Variants in MOXD1 observed in about 807,000 individuals in gnomAD.
MOXD1 encodes monooxygenase DBH like 1.
In MOXD1, 62 loss-of-function variants were observed where a neutral mutation model predicts 66.6. The observed-to-expected ratio is 0.93, with a 90% CI of 0.76 to 1.15. The LOEUF (loss-of-function observed/expected upper bound fraction) is 1.15. Ranked by LOEUF, MOXD1 falls within the 50% of genes most tolerant of loss-of-function variation. The pLI is 0.00. For missense variants in MOXD1, 847 were observed against 754.6 expected, an observed-to-expected ratio of 1.12 and a Z score of -1.44; for synonymous variants, 303 against 281.9, an observed-to-expected ratio of 1.07 and a Z score of -0.75.
At chr6:132,362,472 C>T (rs1490262652) in intron 4 of MOXD1, among the ~76,000 whole-genome samples, 1 of 152,116 alleles carries the variant, frequency 6.6e-6, no homozygotes, top group Non-Finnish European at 1.5e-5. Flanking sequence ...GATTAGAACC[C>T]AGACTGTCAG....
intron 10 of MOXD1, among the ~76,000 whole-genome samples, chr6:132,312,456 T>G (rs1427466150): frequency 6.6e-6 from 1 of 152,190 alleles, no homozygotes; most frequent in African/African-American, 2.4e-5. Context: ...TAGTTTGGCC[T>G]TCACTATCAC....
At chr6:132,349,187 G>A (rs780899276) in intron 4 of MOXD1, among the ~76,000 whole-genome samples, 27 of 145,154 alleles carry the variant, frequency 1.9e-4, no homozygotes, top group Non-Finnish European at 3.7e-4. Flanking sequence ...ATGCCTTTGC[G>A]TCCTCATAGC....
At chr6:132,347,502 C>T (rs749521843) in intron 4 of MOXD1, among the ~76,000 whole-genome samples, 3 of 151,916 alleles carry the variant, frequency 2.0e-5, no homozygotes, top group Non-Finnish European at 2.9e-5. Context: ...CATAGTGAAA[C>T]CCCATCTCTA....
chr6:132,338,372 T>G (rs1295124226), intron 4 of MOXD1, among the ~76,000 whole-genome samples: 3 of 152,190 alleles, frequency 2.0e-5, no homozygotes, highest in Admixed American at 2.0e-4. Context: ...TTCTAATCAC[T>G]TGTATCTGCA....
At position 132,328,425 on chromosome 6, in the gene MOXD1, A is replaced by G. The variant is rs758185807; in HGVS notation, c.833T>C (p.Ile278Thr). 1 of 1,614,136 alleles carries G rather than the reference A, an allele frequency of 6.2e-7. No homozygotes were observed. The highest frequency in any genetic ancestry group is 1.7e-5 in the Admixed American group (1 of 60,016). Residue 278 changes from isoleucine (I) to threonine (T), a missense_variant, in exon 5 of 12, where the codon ATT (isoleucine) becomes ACT (threonine). By Grantham distance (89) the Ile-to-Thr change is moderately conservative. Coordinates refer to ENST00000367963, the MANE Select transcript of MOXD1 (RefSeq NM_015529.4). Reference sequence around the variant, plus strand: ...AATCATTAGCCCCACCTCTCCACCAATAGCCCAGGCAAAAATCACAGTTTC... The same window carrying G: ...AATCATTAGCCCCACCTCTCCACCAGTAGCCCAGGCAAAAATCACAGTTTC... ...TCETVIFAWA[I>T]GGEGFSYPPH...
At chr6:132,311,345 T>C (rs1476102313) in intron 10 of MOXD1, among the ~76,000 whole-genome samples, 2 of 152,066 alleles carry the variant, frequency 1.3e-5, no homozygotes, top group Admixed American at 6.5e-5. Context: ...AATCAAGTCA[T>C]GTTAAATATT....
Position 132,354,451 on chromosome 6 carries a change from A to G in MOXD1, c.663+18157T>C, listed in dbSNP as rs1582590220. On this transcript the variant is annotated intron_variant, in intron 4 of 11. Coordinates refer to ENST00000367963, the MANE Select transcript of MOXD1 (RefSeq NM_015529.4). The stretch of plus-strand genomic sequence containing the variant: ...CTGGGTGTAGCCACCCAGCAAGTCT[A>G]CCAGGCTCCAGGCTGGTACTGGGGT... Among the ~76,000 whole-genome samples the G allele has an allele frequency of 2.0e-5, 3 of 152,266 alleles. No individual in the cohort carries two copies. In the Middle Eastern group the frequency reaches 0.01, roughly 518 times the overall value.
chr6:132,300,602 C>T (rs760996915), intron 10 of MOXD1, among the ~76,000 whole-genome samples: 14 of 152,120 alleles, frequency 9.2e-5, no homozygotes, highest in Non-Finnish European at 2.1e-4. Context: ...AATAGTGTGA[C>T]CATTATACAC....
chr6:132,328,877 T>C (rs2114584771), intron 4 of MOXD1, among the ~76,000 whole-genome samples: 1 of 152,306 alleles, frequency 6.6e-6, no homozygotes, highest in South Asian at 2.1e-4. Flanking sequence ...CACTGTCCTG[T>C]CCTTTGCCCA....
chr6:132,323,839 C>A (rs932154744), intron 7 of MOXD1, 92 bp downstream of exon 7: 5 of 1,326,890 alleles, frequency 3.8e-6, no homozygotes, highest in Non-Finnish European at 5.1e-6. Context: ...AGAAAGGAAT[C>A]GATAATAAAC....
rs544456648 is a variant in MOXD1, at chr6:132,300,983, G to A, written c.1509-3028C>T. 2.6e-5 allele frequency among the ~76,000 whole-genome samples: 4 copies of A among 152,110 alleles called. No homozygotes were observed. In the South Asian group the frequency reaches 8.3e-4, roughly 32 times the overall value. The stretch of plus-strand genomic sequence containing the variant: ...TCCAAATTATTTCCTAGAGAAAAGA[G>A]CAGACAGAAAAAGTGAATATTTATC... On this transcript the variant is annotated intron_variant, in intron 10 of 11. Transcript: ENST00000367963.
rs141754669 is a variant in MOXD1 at position 132,346,844 on chromosome 6, A to G, written c.664-18250T>C. Among the ~76,000 whole-genome samples, 550 of 152,304 alleles carry G rather than the reference A, an allele frequency of 3.6e-3. 3 individuals carry two copies. The highest frequency in any genetic ancestry group is 0.027 in the Middle Eastern group (8 of 294). ...CCCAGGAACAAAATAAATTTTTTGA[A>G]CATTGTTTACAACTCCCCATTATTG... On this transcript the variant is annotated intron_variant, in intron 4 of 11. Transcript: ENST00000367963.
chr6:132,395,380 C>T (rs1003693935), intron 1 of MOXD1, among the ~76,000 whole-genome samples: 3 of 151,806 alleles, frequency 2.0e-5, no homozygotes, highest in Non-Finnish European at 2.9e-5. Flanking sequence ...CTAGAGCAAA[C>T]ATACAAAGAA....
chr6:132,397,636 CAGAAAGAA>C (rs71759740), intron 1 of MOXD1, among the ~76,000 whole-genome samples: 17,407 of 122,068 alleles, frequency 0.14, 1,221 homozygotes, highest in African/African-American at 0.2. Flanking sequence ...GAGAGAGAGA[CAGAAAGAA>C]AGAAAGAAAG....
Position 132,296,547 on chromosome 6 carries a change from G to A in MOXD1, c.*606C>T, listed in dbSNP as rs1372218909. On this transcript the variant is annotated 3_prime_UTR_variant, in exon 12 of 12. Coordinates refer to ENST00000367963, the MANE Select transcript of MOXD1 (RefSeq NM_015529.4). Reference sequence around the variant, plus strand: ...AAAAAAAGTACTTTAAGATGGGTGTGGGGTCATTTGGGGTACCAACAGACT... The same window carrying A: ...AAAAAAAGTACTTTAAGATGGGTGTAGGGTCATTTGGGGTACCAACAGACT... 1 of 152,264 alleles carries A rather than the reference G, an allele frequency of 6.6e-6. No homozygotes were observed. Among genetic ancestry groups the A allele is most frequent in the Admixed American group, 6.5e-5 (1 of 15,272 alleles). 9.4% of individuals were successfully genotyped at this position (152,264 alleles called of 1,614,324 possible).
chr6:132,334,760 G>C (rs978319803), intron 4 of MOXD1, among the ~76,000 whole-genome samples: 5 of 152,162 alleles, frequency 3.3e-5, no homozygotes, highest in African/African-American at 9.7e-5. Flanking sequence ...GGCAGAGCTG[G>C]GGGGATAGAA....
At chr6:132,303,774 C>A (rs1774608106) in intron 10 of MOXD1, among the ~76,000 whole-genome samples, 2 of 108,482 alleles carry the variant, frequency 1.8e-5, no homozygotes, top group Non-Finnish European at 3.8e-5. Flanking sequence ...TATATACATA[C>A]ATATATACAC....
At chr6:132,377,745 C>T (rs1413168877) in intron 1 of MOXD1, among the ~76,000 whole-genome samples, 1 of 152,224 alleles carries the variant, frequency 6.6e-6, no homozygotes, top group Non-Finnish European at 1.5e-5. Flanking sequence ...CTCATATCTT[C>T]AACCTTACTG....
Position 132,325,720 on chromosome 6 carries a change from A to C in MOXD1, c.947-1623T>G, listed in dbSNP as rs147288353. On this transcript the variant is annotated intron_variant, in intron 6 of 11. Coordinates refer to ENST00000367963, the MANE Select transcript of MOXD1 (RefSeq NM_015529.4). ...CTGTGCTTCAGTTTTCCAGTATGGAAAATGGCCATAATAGTAGCACTACTA... is the reference window on the plus strand; with the variant it reads ...CTGTGCTTCAGTTTTCCAGTATGGACAATGGCCATAATAGTAGCACTACTA... 1.2e-4 allele frequency among the ~76,000 whole-genome samples: 18 copies of C among 152,346 alleles called. No homozygotes were observed. The East Asian group carries it at 3.5e-3, about 29-fold the overall frequency.
Sources: gnomAD v4.1 joint callset for allele counts (sites outside exome capture counted in the v4.1 genomes callset) on GRCh38, gnomAD v4.1.1 for gene constraint, MANE v1.5 for transcripts, NCBI Gene and HGNC (gene_info 2026-07-23, HGNC 2026-07-21) for gene names.